Variants in OXR1 observed in about 807,000 individuals in gnomAD.
OXR1 encodes the protein oxidation resistance 1.
Under a neutral mutation model 104.6 loss-of-function variants are expected in OXR1, and 41 were observed. That is an observed-to-expected ratio of 0.39 (90% confidence interval 0.31 to 0.51). OXR1 has a LOEUF of 0.51. OXR1 is among the 20% of genes least tolerant of loss of function. The pLI is 0.77. For missense variants in OXR1, 955 were observed against 1,031.9 expected (o/e 0.93, Z 1.02); for synonymous variants, 348 against 348.4 (o/e 1.00, Z 0.01).
At chr8:106,664,538 T>G (rs1826082612) in intron 3 of OXR1, among the ~76,000 whole-genome samples, 1 of 152,224 alleles carries the variant, frequency 6.6e-6, no homozygotes, top group African/African-American at 2.4e-5. Context: ...AATCAGTGTA[T>G]TTGGTCTTTA....
rs548512882 is a variant in OXR1 at position 106,725,614 on chromosome 8, G to A, written c.1956+11629G>A. 2.0e-5 allele frequency among the ~76,000 whole-genome samples: 3 copies of A among 152,314 alleles called. No homozygotes were observed. In the South Asian group the frequency reaches 6.2e-4, roughly 32 times the overall value. ...TTAAAAACAGACTGTGTAACAGGCA[G>A]AGGGATTTTCAGGTCACTTTGAATA... On this transcript the variant is annotated intron_variant, in intron 11 of 16. Coordinates refer to ENST00000517566, the MANE Select transcript of OXR1 (RefSeq NM_001198533.2).
intron 2 of OXR1, among the ~76,000 whole-genome samples, chr8:106,400,242 A>C (rs1034004986): frequency 6.6e-6 from 1 of 152,240 alleles, no homozygotes; most frequent in East Asian, 1.9e-4. Context: ...TAAAGTGTTC[A>C]TGCTCCATAT....
chr8:106,732,518 A>AT (rs1245985066), intron 11 of OXR1, among the ~76,000 whole-genome samples: 1 of 151,996 alleles, frequency 6.6e-6, no homozygotes, highest in Admixed American at 6.5e-5. Flanking sequence ...TATTAACTGA[A>AT]TTTTTTTAAT....
intron 3 of OXR1, chr8:106,604,926 C>T (rs1013980948): frequency 2.0e-5 from 3 of 152,164 alleles, no homozygotes; most frequent in African/African-American, 7.2e-5. Context: ...GCCTGTGATT[C>T]ACACATTTCT....
chr8:106,581,507 T>A (rs190617461), intron 3 of OXR1, among the ~76,000 whole-genome samples: 2,230 of 151,854 alleles, frequency 0.015, 16 homozygotes, highest in East Asian at 0.028. Flanking sequence ...GTTTTTTTTT[T>A]AAAAAAAACC....
At chr8:106,367,573 A>G (rs1349836539) in intron 2 of OXR1, among the ~76,000 whole-genome samples, 4 of 152,244 alleles carry the variant, frequency 2.6e-5, no homozygotes, top group Admixed American at 6.5e-5. Context: ...ATTTTTGAGC[A>G]TCTACATTGT....
At position 106,310,243 on chromosome 8, in the gene OXR1, T is replaced by G. The variant is rs531912615; in HGVS notation, c.-139+39876T>G. 1.6e-4 allele frequency among the ~76,000 whole-genome samples: 24 copies of G among 149,420 alleles called. No homozygotes were observed. The East Asian group carries it at 3.7e-3, about 23-fold the overall frequency. ...AGTTCCTGTGACCTTTTTTTTTTTT[T>G]TGTGAACTCTTTCCTAAGCTCTCTA... On this transcript the variant is annotated intron_variant, in intron 1 of 16. Coordinates refer to ENST00000517566, the MANE Select transcript of OXR1 (RefSeq NM_001198533.2).
chr8:106,667,691 A>T (rs1826487710), intron 3 of OXR1, among the ~76,000 whole-genome samples: 1 of 152,220 alleles, frequency 6.6e-6, no homozygotes, highest in Non-Finnish European at 1.5e-5. Context: ...TTTATACGAA[A>T]TTAATTTTTA....
At chr8:106,397,822 C>T (rs2130464125) in intron 2 of OXR1, among the ~76,000 whole-genome samples, 1 of 152,172 alleles carries the variant, frequency 6.6e-6, no homozygotes, top group South Asian at 2.1e-4. Flanking sequence ...GCTGCCACAA[C>T]AAAGTACAAC....
chr8:106,720,916 G>A (rs1832771338), intron 11 of OXR1, among the ~76,000 whole-genome samples: 1 of 152,142 alleles, frequency 6.6e-6, no homozygotes. Context: ...TAATTTATTT[G>A]TTGTAATATA....
chr8:106,273,212 T>C (rs1367289635), intron 1 of OXR1, among the ~76,000 whole-genome samples: 1 of 151,560 alleles, frequency 6.6e-6, no homozygotes, highest in Non-Finnish European at 1.5e-5. Flanking sequence ...GTCAATGGAA[T>C]TTTTGTTGCC....
chr8:106,677,124 TA>T (rs1827676215), intron 3 of OXR1, among the ~76,000 whole-genome samples: 1 of 152,130 alleles, frequency 6.6e-6, no homozygotes, highest in Non-Finnish European at 1.5e-5. Context: ...AGGAAGGGTA[TA>T]TTATTAGTTA....
chr8:106,349,019 T>C (rs1340981035), intron 1 of OXR1, among the ~76,000 whole-genome samples: 1 of 152,192 alleles, frequency 6.6e-6, no homozygotes, highest in East Asian at 1.9e-4. Context: ...TGAAGGCCAA[T>C]GCAATAATTT....
At chr8:106,532,048 A>C (rs1368029763) in intron 3 of OXR1, among the ~76,000 whole-genome samples, 2 of 152,222 alleles carry the variant, frequency 1.3e-5, no homozygotes, top group Non-Finnish European at 2.9e-5. Context: ...ATTTAAAAAT[A>C]TGATTGAATG....
chr8:106,442,145 G>A (rs905630597), intron 2 of OXR1, among the ~76,000 whole-genome samples: 1 of 152,220 alleles, frequency 6.6e-6, no homozygotes, highest in East Asian at 1.9e-4. Flanking sequence ...TTTTATCGAA[G>A]CCTTTTTCTG....
At chr8:106,381,269 C>T (rs1335257446) in intron 2 of OXR1, among the ~76,000 whole-genome samples, 5 of 152,096 alleles carry the variant, frequency 3.3e-5, no homozygotes, top group South Asian at 2.1e-4. Context: ...TCATCTTATA[C>T]GTGTGAGAGA....
At chr8:106,338,965 C>T (rs75473788) in intron 1 of OXR1, among the ~76,000 whole-genome samples, 10,078 of 152,110 alleles carry the variant, frequency 0.066, 353 homozygotes, top group Non-Finnish European at 0.072. Flanking sequence ...TCAAGCTGCT[C>T]TCATCAAAAG....
chr8:106,705,672 C>T (rs927684454), intron 8 of OXR1, among the ~76,000 whole-genome samples: 4 of 152,138 alleles, frequency 2.6e-5, no homozygotes, highest in African/African-American at 7.2e-5. Flanking sequence ...TCCCTCTTTC[C>T]AGAACTTAAC....
chr8:106,448,495 G>A (rs1218254191), intron 2 of OXR1, among the ~76,000 whole-genome samples: 8 of 151,860 alleles, frequency 5.3e-5, no homozygotes, highest in Non-Finnish European at 8.8e-5. Context: ...ATATATTTCA[G>A]TATGTTGTAT....
Sources: allele counts gnomAD v4.1 joint callset (sites outside exome capture counted in the v4.1 genomes callset), GRCh38; gene constraint gnomAD v4.1.1; transcripts MANE v1.5; gene names NCBI Gene and HGNC (gene_info 2026-07-23, HGNC 2026-07-21).